KCNK13: variants seen among roughly 807,000 people sequenced by gnomAD.
KCNK13 encodes potassium channel subfamily K member 13.
In KCNK13, 12 loss-of-function variants were observed where a neutral mutation model predicts 23.4. The ratio of observed to expected loss-of-function variants is 0.51; its 90% CI spans 0.33 to 0.83. KCNK13 has a LOEUF of 0.83. Ranked by LOEUF, KCNK13 falls within the 40% of genes least tolerant of loss-of-function variation. The pLI is 0.02. For synonymous variants in KCNK13, 231 were observed against 229.5 expected, an observed-to-expected ratio of 1.01 and a Z score of -0.06; for missense variants, 463 against 556.3, an observed-to-expected ratio of 0.83 and a Z score of 1.69.
intron 1 of KCNK13, among the ~76,000 whole-genome samples, chr14:90,089,945 G>A (rs936941240): frequency 6.6e-6 from 1 of 152,242 alleles, no homozygotes; most frequent in Non-Finnish European, 1.5e-5. Context: ...GAGGATGGTG[G>A]AAATGCCTGG....
At chr14:90,144,296 A>T (rs1032849234) in intron 1 of KCNK13, among the ~76,000 whole-genome samples, 1 of 152,106 alleles carries the variant, frequency 6.6e-6, no homozygotes, top group Non-Finnish European at 1.5e-5. Flanking sequence ...TAAGTATTTC[A>T]TATTTTTGAT....
intron 1 of KCNK13, among the ~76,000 whole-genome samples, chr14:90,108,958 C>T (rs376737140): frequency 1.2e-3 from 176 of 152,156 alleles, no homozygotes; most frequent in African/African-American, 4.0e-3. Flanking sequence ...AGGCAGATCA[C>T]GAGGTCAGGA....
intron 1 of KCNK13, among the ~76,000 whole-genome samples, chr14:90,132,599 G>A (rs1889888375): frequency 6.6e-6 from 1 of 152,032 alleles, no homozygotes; most frequent in African/African-American, 2.4e-5. Flanking sequence ...TGGGTTGGGA[G>A]GAGGAGGGAA....
chr14:90,104,423 A>T (rs1889518225), intron 1 of KCNK13, among the ~76,000 whole-genome samples: 1 of 152,218 alleles, frequency 6.6e-6, no homozygotes, highest in African/African-American at 2.4e-5. Context: ...CACTGAGAAC[A>T]CATTGTCTGG....
chr14:90,143,147 CT>C (rs367843657), intron 1 of KCNK13, among the ~76,000 whole-genome samples: 7,684 of 23,602 alleles, frequency 0.33, 323 homozygotes, highest in South Asian at 0.51. Flanking sequence ...AGAGCAGAAA[CT>C]TTCTTTCTTT....
At chr14:90,090,966 T>G (rs1044784754) in intron 1 of KCNK13, among the ~76,000 whole-genome samples, 1 of 152,162 alleles carries the variant, frequency 6.6e-6, no homozygotes, top group African/African-American at 2.4e-5. Context: ...ATCAGCAGCA[T>G]GAAAACAGAA....
At chr14:90,077,036 G>C (rs1360802669) in intron 1 of KCNK13, among the ~76,000 whole-genome samples, 1 of 150,110 alleles carries the variant, frequency 6.7e-6, no homozygotes, top group Non-Finnish European at 1.5e-5. Flanking sequence ...AGCCAGGATG[G>C]TCTCGATCTC....
At chr14:90,169,898 G>A (rs1890345179) in intron 1 of KCNK13, among the ~76,000 whole-genome samples, 1 of 152,196 alleles carries the variant, frequency 6.6e-6, no homozygotes, top group South Asian at 2.1e-4. Flanking sequence ...CCAACTGAGG[G>A]CAGGGGTAGG....
intron 1 of KCNK13, among the ~76,000 whole-genome samples, chr14:90,182,125 T>C (rs1890494437): frequency 6.6e-6 from 1 of 152,216 alleles, no homozygotes; most frequent in African/African-American, 2.4e-5. Flanking sequence ...TGGCAATTCC[T>C]TTCCATCCCA....
chr14:90,131,749 T>C (rs535498668), intron 1 of KCNK13, among the ~76,000 whole-genome samples: 20 of 152,340 alleles, frequency 1.3e-4, no homozygotes, highest in African/African-American at 4.8e-4. Flanking sequence ...ATAGCTATTA[T>C]TGAAAACAAC....
chr14:90,077,228 C>G (rs953778173), intron 1 of KCNK13, among the ~76,000 whole-genome samples: 3 of 149,754 alleles, frequency 2.0e-5, no homozygotes, highest in African/African-American at 7.4e-5. Flanking sequence ...CAAGCAATTC[C>G]CCTGCCTCAG....
chr14:90,064,967 C>G (rs1406888879), intron 1 of KCNK13, among the ~76,000 whole-genome samples: 1 of 152,100 alleles, frequency 6.6e-6, no homozygotes, highest in Non-Finnish European at 1.5e-5. Context: ...AGGCATAACA[C>G]TCCCCCGTTA....
intron 1 of KCNK13, among the ~76,000 whole-genome samples, chr14:90,105,342 C>G (rs998142837): frequency 1.8e-4 from 27 of 152,142 alleles, no homozygotes; most frequent in African/African-American, 6.3e-4. Flanking sequence ...TCTTCTCTCA[C>G]CCCCTTGGTG....
At chr14:90,070,455 T>C (rs1889060739) in intron 1 of KCNK13, among the ~76,000 whole-genome samples, 1 of 152,246 alleles carries the variant, frequency 6.6e-6, no homozygotes, top group Non-Finnish European at 1.5e-5. Context: ...TTAATCAAAG[T>C]GTCTGTGTGC....
chr14:90,102,678 T>C (rs531785109), intron 1 of KCNK13, among the ~76,000 whole-genome samples: 1 of 152,302 alleles, frequency 6.6e-6, no homozygotes, highest in East Asian at 1.9e-4. Context: ...AGTATGGCTG[T>C]GCTGTCTCAG....
intron 1 of KCNK13, among the ~76,000 whole-genome samples, chr14:90,160,733 C>A (rs1890243617): frequency 6.6e-6 from 1 of 151,486 alleles, no homozygotes; most frequent in South Asian, 2.1e-4. Context: ...ATCCCAGATG[C>A]TCTGGAGGCT....
intron 1 of KCNK13, among the ~76,000 whole-genome samples, chr14:90,071,209 C>T (rs1889070560): frequency 6.6e-6 from 1 of 152,152 alleles, no homozygotes; most frequent in South Asian, 2.1e-4. Flanking sequence ...TGAGTGTTAA[C>T]CCAAATAATT....
At chr14:90,104,149 C>CATTTGACATGAATTTTT (rs1398176194) in intron 1 of KCNK13, among the ~76,000 whole-genome samples, 2 of 152,172 alleles carry the variant, frequency 1.3e-5, no homozygotes, top group Non-Finnish European at 2.9e-5. Context: ...ACTCAATTTT[C>CATTTGACATGAATTTTT]CTTTGACATG....
chr14:90,073,474 T>C (rs1386398709), intron 1 of KCNK13, among the ~76,000 whole-genome samples: 2 of 152,194 alleles, frequency 1.3e-5, no homozygotes, highest in African/African-American at 4.8e-5. Context: ...ACTCTTGGCA[T>C]GTTGGCACCA....
Sources: gnomAD v4.1 joint callset for allele counts (sites outside exome capture counted in the v4.1 genomes callset) on GRCh38, gnomAD v4.1.1 for gene constraint, MANE v1.5 for transcripts, NCBI Gene and HGNC (gene_info 2026-07-23, HGNC 2026-07-21) for gene names.